The following ABCA13 variants were observed in gnomAD, a reference collection of about 807,000 sequenced individuals.
ABCA13 encodes ATP-binding cassette sub-family A member 13.
ABCA13 carries 476 observed loss-of-function variants against 478.7 expected under a neutral mutation model. That is an observed-to-expected ratio of 0.99 (90% CI 0.92 to 1.07). The LOEUF is 1.07. Among genes scored for constraint, ABCA13 ranks in the 50% least tolerant of loss-of-function variants. The probability of loss-of-function intolerance (pLI) is 0.00; values close to 1 mark genes in which losing one functional copy is unlikely to be tolerated. For synonymous variants in ABCA13, 2,252 were observed against 2,158.9 expected (o/e 1.04, Z -1.20); for missense variants, 6,060 against 5,910.6 (o/e 1.03, Z -0.83).
rs192276334 is a variant in ABCA13, at chr7:48,423,082, A to G, written c.12460-4684A>G. 1.1e-3 allele frequency among the ~76,000 whole-genome samples: 163 copies of G among 152,356 alleles called. 1 individual carries two copies. Among genetic ancestry groups the G allele is most frequent in the Middle Eastern group, 6.8e-3 (2 of 294 alleles). The stretch of plus-strand genomic sequence containing the variant: ...TGTGGTAATTTGTTACAGCAGTGAT[A>G]GGAAATTCATACAAGCTCCTGTAAA... On this transcript the variant is annotated intron_variant, in intron 41 of 61. Coordinates refer to ENST00000435803, the MANE Select transcript of ABCA13 (RefSeq NM_152701.5).
intron 3 of ABCA13, among the ~76,000 whole-genome samples, chr7:48,206,578 GTTC>G (rs1256440913): frequency 2.0e-5 from 3 of 150,704 alleles, no homozygotes; most frequent in African/African-American, 7.3e-5. Flanking sequence ...GACCCAGGAT[GTTC>G]TTTTCTGTTT....
chr7:48,174,490 T>A (rs958438426), intron 1 of ABCA13, among the ~76,000 whole-genome samples: 8 of 152,056 alleles, frequency 5.3e-5, no homozygotes, highest in African/African-American at 1.4e-4. Flanking sequence ...AACAAAAATT[T>A]AAAAAAATAG....
At chr7:48,416,975 C>G (rs1820105001) in intron 41 of ABCA13, among the ~76,000 whole-genome samples, 1 of 151,608 alleles carries the variant, frequency 6.6e-6, no homozygotes, top group Admixed American at 6.6e-5. Context: ...ACCCATTTCA[C>G]AATATTTATC....
chr7:48,500,855 G>A (rs1830677428), intron 48 of ABCA13, among the ~76,000 whole-genome samples: 1 of 152,124 alleles, frequency 6.6e-6, no homozygotes, highest in Non-Finnish European at 1.5e-5. Flanking sequence ...CCACCCTGCT[G>A]CACCCAACCT....
rs1376416705 is a variant in ABCA13, at chr7:48,644,657, G to T, written c.14984G>T (p.Arg4995Ile). 1 of 1,598,530 alleles carries T rather than the reference G, an allele frequency of 6.3e-7. No homozygotes were observed. Among genetic ancestry groups the T allele is most frequent in the Admixed American group, 1.7e-5 (1 of 58,584 alleles). ...LNLLEYHVPK[R>I]WGCLADLFKV... ...TTATTAGAATATCATGTGCCAAAAA[G>T]ATGGGGATGCCTAGCTGACTTGTTC... Residue 4995 changes from arginine (R) to isoleucine (I), a missense_variant, in exon 61 of 62, where the codon AGA becomes ATA. Physicochemically the swap from Arg to Ile is moderately conservative, Grantham distance 97. Around this residue, in one of 3 missense-constraint regions of ABCA13, gnomAD observed 1,627 missense variants for 1,571.0 expected, o/e 1.04. Transcript: ENST00000435803.
chr7:48,233,194 C>T (rs1161143754), intron 7 of ABCA13, among the ~76,000 whole-genome samples: 3 of 152,108 alleles, frequency 2.0e-5, no homozygotes, highest in Non-Finnish European at 4.4e-5. Context: ...GTAGACCTCA[C>T]TGCAATTATA....
At position 48,520,287 on chromosome 7, in the gene ABCA13, T is replaced by C; in HGVS notation, c.14044T>C (p.Trp4682Arg). 6.2e-7 allele frequency: 1 copy of C among 1,609,786 alleles called. No individual in the cohort carries two copies. Among genetic ancestry groups the C allele is most frequent in the African/African-American group, 1.3e-5 (1 of 75,000 alleles). ...RVLLHWDLLR[W>R]PRGHSTLQGT... ...TCTGCTACACTGGGACCTTCTGCGA[T>C]GGCCAAGGTGGGTTCTGAAGGACTC... The change falls in exon 53 of 62, where the codon TGG (tryptophan) becomes CGG (arginine). Residue 4682 changes from tryptophan (W) to arginine (R), a missense_variant. Transcript: ENST00000435803.
intron 28 of ABCA13, among the ~76,000 whole-genome samples, chr7:48,336,769 A>T (rs1345056664): frequency 6.6e-6 from 1 of 152,224 alleles, no homozygotes; most frequent in Non-Finnish European, 1.5e-5. Context: ...GGCCATATGT[A>T]TTAGCTAGTA....
intron 43 of ABCA13, 51 bp downstream of exon 43, chr7:48,455,337 G>A: frequency 6.4e-7 from 1 of 1,552,868 alleles, no homozygotes; most frequent in Non-Finnish European, 8.7e-7. Flanking sequence ...GGCAGATTAT[G>A]AATTGCAATA....
chr7:48,358,001 G>A (rs1810204118), intron 31 of ABCA13, among the ~76,000 whole-genome samples: 1 of 151,304 alleles, frequency 6.6e-6, no homozygotes, highest in Non-Finnish European at 1.5e-5. Context: ...AATTAGCTGG[G>A]CATGGTGGCA....
At position 48,550,291 on chromosome 7, in the gene ABCA13, C is replaced by T. The variant is rs867136330; in HGVS notation, c.14354+21946C>T. On this transcript the variant is annotated intron_variant, in intron 55 of 61. Transcript: ENST00000435803. ...TTTTTTTTGGAAATGGAGTCTCGCTCTGTTGCCCAGGCTGGATTGCAGTGG... is the reference window on the plus strand; with the variant it reads ...TTTTTTTTGGAAATGGAGTCTCGCTTTGTTGCCCAGGCTGGATTGCAGTGG... Among the ~76,000 whole-genome samples the T allele has an allele frequency of 1.4e-5, 2 of 142,450 alleles. 1 individual carries two copies. The highest frequency in any genetic ancestry group is 1.5e-4 in the Admixed American group (2 of 13,204). 93.5% of individuals were successfully genotyped at this position (142,450 alleles called of 152,430 possible).
chr7:48,232,139 A>ATTTTTTTTTTTTTTTTTTTTTTTT lies in ABCA13; in HGVS notation c.764-1877_764-1854dup, dbSNP rs71006559. Among the ~76,000 whole-genome samples the ATTTTTTTTTTTTTTTTTTTTTTTT allele has an allele frequency of 4.5e-4, 23 of 51,302 alleles. 4 individuals carry two copies. The highest frequency in any genetic ancestry group is 8.0e-4 in the South Asian group (1 of 1,244). The allele number at this position is 51,302 out of a possible 152,430, so 33.7% of individuals were successfully genotyped here. A position where few individuals can be genotyped will look rare whatever the true frequency, so the allele number is the denominator to read the frequency against. Reference sequence around the variant, plus strand: ...CTCAGCACAGTGAGACCCACATGGAATTTTTTTTTTTTTTTTTTTTTTTTT... The same window carrying ATTTTTTTTTTTTTTTTTTTTTTTT: ...CTCAGCACAGTGAGACCCACATGGAATTTTTTTTTTTTTTTTTTTTTTTTTTTTTTTTTTTTTTTTTTTTTTTTT... On this transcript the variant is annotated intron_variant, in intron 7 of 61. Transcript: ENST00000435803.
chr7:48,523,938 T>G, intron 53 of ABCA13, among the ~76,000 whole-genome samples: 1 of 152,242 alleles, frequency 6.6e-6, no homozygotes, highest in Non-Finnish European at 1.5e-5. Flanking sequence ...TGTGATAAGC[T>G]ATTTTAACAT....
chr7:48,571,442 A>G (rs1403910308), intron 55 of ABCA13, among the ~76,000 whole-genome samples: 1 of 150,636 alleles, frequency 6.6e-6, no homozygotes, highest in Admixed American at 6.6e-5. Context: ...AAAGATAGTC[A>G]TTTCTTCTTT....
At chr7:48,630,647 T>G (rs1794088104) in intron 59 of ABCA13, among the ~76,000 whole-genome samples, 1 of 152,338 alleles carries the variant, frequency 6.6e-6, no homozygotes, top group South Asian at 2.1e-4. Flanking sequence ...GGTGAAATGA[T>G]TTGTATTCCT....
intron 3 of ABCA13, among the ~76,000 whole-genome samples, chr7:48,201,101 T>C (rs1019091642): frequency 1.8e-4 from 27 of 152,216 alleles, no homozygotes; most frequent in Non-Finnish European, 3.2e-4. Flanking sequence ...TCTTTGTTCT[T>C]AGGGCAGATG....
chr7:48,340,411 A>T (rs560339224), intron 29 of ABCA13, among the ~76,000 whole-genome samples: 1 of 152,150 alleles, frequency 6.6e-6, no homozygotes, highest in Non-Finnish European at 1.5e-5. Flanking sequence ...TGGCCTCATT[A>T]TATAACTTTA....
intron 39 of ABCA13, among the ~76,000 whole-genome samples, chr7:48,404,845 C>T (rs776800235): frequency 6.6e-6 from 1 of 152,184 alleles, no homozygotes; most frequent in African/African-American, 2.4e-5. Context: ...GAAGATCAAT[C>T]TGTTTCTTTC....
rs1264686944 is a variant in ABCA13 at position 48,481,136 on chromosome 7, C to T, written c.13076C>T (p.Ala4359Val). The T allele has an allele frequency of 1.3e-6, 2 of 1,587,050 alleles. No individual in the cohort carries two copies. Among genetic ancestry groups the T allele is most frequent in the Non-Finnish European group, 1.7e-6 (2 of 1,165,718 alleles). Reference sequence around the variant, plus strand: ...TTCAATATGGAGGAGTACTTGCTGGCACCATCTGAAAAACCAAGGTGTGTT... The same window carrying T: ...TTCAATATGGAGGAGTACTTGCTGGTACCATCTGAAAAACCAAGGTGTGTT... ...SGFNMEEYLL[A>V]PSEKPRLGGW... Residue 4359 changes from alanine to valine, a missense_variant, in exon 46 of 62, where the codon GCA (alanine) becomes GTA (valine). Physicochemically the swap from Ala to Val is moderately conservative, Grantham distance 64 (BLOSUM62 0). Transcript: ENST00000435803.
Sources: gnomAD v4.1 joint callset for allele counts (sites outside exome capture counted in the v4.1 genomes callset) on GRCh38, gnomAD v4.1.1 for gene constraint, gnomAD v4.1.1 regional missense constraint, MANE v1.5 for transcripts, NCBI Gene and HGNC (gene_info 2026-07-23, HGNC 2026-07-21) for gene names.